The following VPS72 variants were observed in gnomAD, a reference collection of about 807,000 sequenced individuals.
The protein encoded by VPS72 is vacuolar protein sorting 72 homolog.
In VPS72, 27 loss-of-function variants were observed where a neutral mutation model predicts 38.9. The ratio of observed to expected loss-of-function variants is 0.69; its 90% CI spans 0.51 to 0.96. The LOEUF is 0.96. Ranked by LOEUF, VPS72 falls within the 40% of genes least tolerant of loss-of-function variation. The pLI is 0.00. For synonymous variants in VPS72, 173 were observed against 186.3 expected (o/e 0.93, Z 0.58); for missense variants, 360 against 479.5 (o/e 0.75, Z 2.33).
chr1:151,178,243 T>C, intron 4 of VPS72, 98 bp from the exon 5 acceptor site: 2 of 1,433,024 alleles, frequency 1.4e-6, no homozygotes, highest in South Asian at 1.4e-5. Flanking sequence ...TTCCTGGCTA[T>C]CTAGTCACTG....
At chr1:151,189,640 G>A (rs899955436) in intron 1 of VPS72, among the ~76,000 whole-genome samples, 2 of 152,110 alleles carry the variant, frequency 1.3e-5, no homozygotes, top group African/African-American at 4.8e-5. Context: ...GTGGGCCAAC[G>A]AGTATACATC....
intron 4 of VPS72, among the ~76,000 whole-genome samples, chr1:151,181,296 G>A (rs114291585): frequency 0.013 from 1,958 of 147,816 alleles, 42 homozygotes; most frequent in African/African-American, 0.047. Context: ...GGAGTGTAGC[G>A]ACACGATCTC....
At chr1:151,180,942 C>A (rs1403937670) in intron 4 of VPS72, among the ~76,000 whole-genome samples, 1 of 152,212 alleles carries the variant, frequency 6.6e-6, no homozygotes, top group Non-Finnish European at 1.5e-5. Flanking sequence ...ACAGGATATA[C>A]CTATGTCCTA....
rs587702945 is a variant in VPS72, at chr1:151,178,067, T to A, written c.641A>T (p.Tyr214Phe). 2 of 1,614,190 alleles carry A rather than the reference T, an allele frequency of 1.2e-6. No homozygotes were observed. The highest frequency in any genetic ancestry group is 2.2e-5 in the South Asian group (2 of 91,088). Reference protein sequence around the residue: ...KRKCPGPIITYHSVTVPLVGE... With the variant: ...KRKCPGPIITFHSVTVPLVGE... ...AACAAGTGGCACTGTCACTGAATGA[T>A]AGGTGATTATGGGCCCGGGGCACTT... Residue 214 changes from tyrosine (Y) to phenylalanine (F), a missense_variant, in exon 5 of 6, where the codon TAT (tyrosine) becomes TTT (phenylalanine). Around this residue, in one of 2 missense-constraint regions of VPS72, gnomAD observed 294 missense variants for 356.3 expected, o/e 0.83. Coordinates refer to ENST00000368892, the MANE Select transcript of VPS72 (RefSeq NM_005997.3).
intron 1 of VPS72, among the ~76,000 whole-genome samples, chr1:151,189,500 G>C (rs1402988717): frequency 6.6e-6 from 1 of 152,208 alleles, no homozygotes; most frequent in Non-Finnish European, 1.5e-5. Context: ...ACACTTGTTA[G>C]GATAGTCAAG....
chr1:151,187,374 A>G (rs1684375627), intron 1 of VPS72, among the ~76,000 whole-genome samples: 1 of 152,212 alleles, frequency 6.6e-6, no homozygotes, highest in East Asian at 1.9e-4. Context: ...CAAGCCAGCC[A>G]GAGTTCAATT....
At chr1:151,181,368 C>T (rs972794994) in intron 4 of VPS72, among the ~76,000 whole-genome samples, 1 of 151,968 alleles carries the variant, frequency 6.6e-6, no homozygotes, top group Non-Finnish European at 1.5e-5. Context: ...CTCAGCCCCC[C>T]GAGTAGCCAG....
At position 151,189,991 on chromosome 1, in the gene VPS72, G is replaced by A; in HGVS notation, c.117+14C>T. 1 of 1,613,476 alleles carries A rather than the reference G, an allele frequency of 6.2e-7. No individual in the cohort carries two copies. Among genetic ancestry groups the A allele is most frequent in the South Asian group, 1.1e-5 (1 of 91,060 alleles). ...TTGCCTCCTCCCCTCCCTTTTCCCA[G>A]GCCCGGATCTTGCCTCTGTGAAACC... On this transcript the variant is annotated intron_variant, in intron 1 of 5. Coordinates refer to ENST00000368892, the MANE Select transcript of VPS72 (RefSeq NM_005997.3).
At chr1:151,180,525 C>G (rs587673068) in intron 4 of VPS72, among the ~76,000 whole-genome samples, 2 of 152,000 alleles carry the variant, frequency 1.3e-5, no homozygotes, top group African/African-American at 4.8e-5. Flanking sequence ...GCAACCTCCC[C>G]CTCCCAGGTT....
At chr1:151,180,136 T>C (rs951662124) in intron 4 of VPS72, among the ~76,000 whole-genome samples, 1 of 151,868 alleles carries the variant, frequency 6.6e-6, no homozygotes, top group African/African-American at 2.4e-5. Flanking sequence ...CTGGTCAACA[T>C]GGTGAGACCC....
chr1:151,186,926 T>A (rs1684364181), intron 1 of VPS72, among the ~76,000 whole-genome samples: 1 of 152,206 alleles, frequency 6.6e-6, no homozygotes, highest in Non-Finnish European at 1.5e-5. Context: ...ATCCCCTCCA[T>A]CTCCTTATTT....
At chr1:151,181,249 T>TA (rs1446344911) in intron 4 of VPS72, among the ~76,000 whole-genome samples, 1 of 150,798 alleles carries the variant, frequency 6.6e-6, no homozygotes, top group Non-Finnish European at 1.5e-5. Context: ...CACTTTACTT[T>TA]TTTTTTTTTT....
chr1:151,186,028 T>C, intron 1 of VPS72, 78 bp from the exon 2 acceptor site: 2 of 1,546,090 alleles, frequency 1.3e-6, no homozygotes, highest in Non-Finnish European at 1.7e-6. Context: ...ATCTCTCGAC[T>C]TTCTTGATAA....
In VPS72 at chr1:151,185,927, T is replaced by C; in HGVS notation, c.141A>G (p.Gln47=). The C allele has an allele frequency of 6.2e-7, 1 of 1,614,146 alleles. No individual in the cohort carries two copies. Among genetic ancestry groups the C allele is most frequent in the Non-Finnish European group, 8.5e-7 (1 of 1,180,028 alleles). ...CGTCCTCTGTGTCTGACTGGTCCCCTTGATACTCATCATCTCCGGATTCCT... is the reference window on the plus strand; with the variant it reads ...CGTCCTCTGTGTCTGACTGGTCCCCCTGATACTCATCATCTCCGGATTCCT... ...FTEESGDDEY[Q]GDQSDTEDEV... The change falls in exon 2 of 6, where the codon CAA becomes CAG. Residue 47 remains glutamine (Q), a synonymous_variant. Transcript: ENST00000368892.
intron 4 of VPS72, among the ~76,000 whole-genome samples, chr1:151,180,707 A>G (rs2101723995): frequency 6.6e-6 from 1 of 152,304 alleles, no homozygotes; most frequent in Non-Finnish European, 1.5e-5. Flanking sequence ...AAGTGCTGGG[A>G]TTACAGGCGT....
Position 151,176,968 on chromosome 1 carries a change from G to A in VPS72, c.771C>T (p.Pro257=). The change falls in exon 6 of 6, where the codon CCC becomes CCT. Residue 257 remains proline (P), a synonymous_variant. Coordinates refer to ENST00000368892, the MANE Select transcript of VPS72 (RefSeq NM_005997.3). ...TPHAGTGPVN[P]PARCSRTFIT... is the part of the protein sequence containing the mutation. ...TGAAGGTACGTGAGCAGCGAGCAGGGGGGTTGACGGGTCCAGTCCCAGCAT... is the reference window on the plus strand; with the variant it reads ...TGAAGGTACGTGAGCAGCGAGCAGGAGGGTTGACGGGTCCAGTCCCAGCAT... 6.2e-7 allele frequency: 1 copy of A among 1,606,872 alleles called. No individual in the cohort carries two copies. Among genetic ancestry groups the A allele is most frequent in the Non-Finnish European group, 8.5e-7 (1 of 1,175,228 alleles).
chr1:151,186,863 C>G (rs140721838), intron 1 of VPS72, among the ~76,000 whole-genome samples: 53 of 152,338 alleles, frequency 3.5e-4, no homozygotes, highest in African/African-American at 1.2e-3. Flanking sequence ...TATGGAGAAA[C>G]TTAAATGTCA....
Position 151,176,836 on chromosome 1 carries a change from G to C in VPS72, c.903C>G (p.Tyr301Ter). The C allele has an allele frequency of 6.2e-7, 1 of 1,614,176 alleles. No homozygotes were observed. The highest frequency in any genetic ancestry group is 8.5e-7 in the Non-Finnish European group (1 of 1,180,026). The change falls in exon 6 of 6, where the codon TAC becomes TAG. Residue 301 changes from tyrosine to a stop codon, truncating the protein, a stop_gained. Transcript: ENST00000368892. LOFTEE classifies it high-confidence loss of function. ...VCPVTHRPAL[Y>*]RDPVTDIPYA... ...AGGGTATGTCTGTAACAGGGTCCCGGTATAGGGCTGGACGATGGGTCACTG... is the reference window on the plus strand; with the variant it reads ...AGGGTATGTCTGTAACAGGGTCCCGCTATAGGGCTGGACGATGGGTCACTG...
chr1:151,189,818 T>TCC (rs1433853170), intron 1 of VPS72, among the ~76,000 whole-genome samples, 187 bp downstream of exon 1: 3 of 151,986 alleles, frequency 2.0e-5, no homozygotes, highest in Non-Finnish European at 4.4e-5. Flanking sequence ...TCCAGAGCTC[T>TCC]CCCTTCTAGG....
Sources: allele counts gnomAD v4.1 joint callset (sites outside exome capture counted in the v4.1 genomes callset), GRCh38; gene constraint gnomAD v4.1.1; regional missense constraint gnomAD v4.1.1; transcripts MANE v1.5; gene names NCBI Gene and HGNC (gene_info 2026-07-23, HGNC 2026-07-21).